The following CLCN6 variants were observed in gnomAD, a reference collection of about 807,000 sequenced individuals.
CLCN6 encodes H(+)/Cl(-) exchange transporter 6.
CLCN6 carries 70 observed loss-of-function variants against 109.8 expected under a neutral mutation model. The observed-to-expected ratio is 0.64, with a 90% CI of 0.53 to 0.78. CLCN6 has a LOEUF of 0.78. Ranked by LOEUF, CLCN6 falls within the 30% of genes least tolerant of loss-of-function variation. The pLI, the probability that CLCN6 is intolerant of heterozygous loss-of-function variation, is 0.00. For missense variants in CLCN6, 984 were observed against 1,142.3 expected (o/e 0.86, Z 2.00); for synonymous variants, 444 against 447.8 (o/e 0.99, Z 0.11).
chr1:11,831,453 C>T (rs1324185660), intron 13 of CLCN6, among the ~76,000 whole-genome samples: 1 of 152,066 alleles, frequency 6.6e-6, no homozygotes, highest in Non-Finnish European at 1.5e-5. Flanking sequence ...CCGTGTCCAG[C>T]TGGTTTATAT....
intron 6 of CLCN6, 31 bp downstream of exon 6, chr1:11,822,832 A>G: frequency 1.4e-6 from 2 of 1,416,162 alleles, no homozygotes; most frequent in Non-Finnish European, 2.0e-6. Flanking sequence ...CTGCTCGCTT[A>G]GGAGGTTTTA....
At chr1:11,807,958 CT>C (rs200524870) in intron 2 of CLCN6, among the ~76,000 whole-genome samples, 106 of 151,952 alleles carry the variant, frequency 7.0e-4, no homozygotes, top group African/African-American at 1.8e-3. Context: ...ACAACCTTTT[CT>C]TTTTTTTGAC....
At chr1:11,812,945 A>G (rs1644621054) in intron 2 of CLCN6, among the ~76,000 whole-genome samples, 1 of 152,130 alleles carries the variant, frequency 6.6e-6, no homozygotes, top group Non-Finnish European at 1.5e-5. Context: ...CTGAAGACCA[A>G]ACAACATACC....
intron 8 of CLCN6, 107 bp from the exon 9 acceptor site, chr1:11,826,049 C>A: frequency 1.3e-6 from 1 of 797,812 alleles, no homozygotes; most frequent in Non-Finnish European, 2.1e-6. Flanking sequence ...CAGTCCTAGG[C>A]TGCCCCTGAC....
chr1:11,822,869 C>T, intron 6 of CLCN6, 68 bp downstream of exon 6: 1 of 977,664 alleles, frequency 1.0e-6, no homozygotes, highest in Non-Finnish European at 1.6e-6. Context: ...TTCCCCACCT[C>T]CTTCCAGAAT....
chr1:11,842,780 G>A lies in CLCN6; in HGVS notation c.*2557G>A, dbSNP rs976981352. Reference sequence around the variant, plus strand: ...TGATTAACTTAACAGTTCCCAGCTGGAAGGGACACTTTCAGGACCCAGTCC... The same window carrying A: ...TGATTAACTTAACAGTTCCCAGCTGAAAGGGACACTTTCAGGACCCAGTCC... On this transcript the variant is annotated 3_prime_UTR_variant, in exon 23 of 23. Coordinates refer to ENST00000346436, the MANE Select transcript of CLCN6 (RefSeq NM_001286.5). The A allele has an allele frequency of 6.6e-6, 1 of 152,256 alleles. No homozygotes were observed. Among genetic ancestry groups the A allele is most frequent in the African/African-American group, 2.4e-5 (1 of 41,464 alleles). The allele number at this position is 152,256 out of a possible 1,614,324, so 9.4% of individuals were successfully genotyped here.
At chr1:11,809,917 A>T (rs1486539318) in intron 2 of CLCN6, among the ~76,000 whole-genome samples, 1 of 152,256 alleles carries the variant, frequency 6.6e-6, no homozygotes, top group African/African-American at 2.4e-5. Flanking sequence ...TCAATAAATA[A>T]ATCAACTTGA....
At chr1:11,816,783 T>TG in intron 4 of CLCN6, 103 bp downstream of exon 4, 1 of 749,086 alleles carries the variant, frequency 1.3e-6, no homozygotes, top group Non-Finnish European at 2.1e-6. Flanking sequence ...CATTATAACA[T>TG]TTATAACATT....
Position 11,834,629 on chromosome 1 carries a change from G to T in CLCN6, c.1793+39G>T, listed in dbSNP as rs779773864. The T allele has an allele frequency of 2.2e-5, 34 of 1,529,576 alleles. No homozygotes were observed. In the East Asian group the frequency reaches 7.6e-4, roughly 34 times the overall value. 94.8% of individuals were successfully genotyped at this position (1,529,576 alleles called of 1,614,324 possible). A position where few individuals can be genotyped will look rare whatever the true frequency, so the allele number is the denominator to read the frequency against. ...TTTGCTCATGTCCTAGTTTCAGAAT[G>T]TATAAGCTCTGAGGCCTAAGGAATG... On this transcript the variant is annotated intron_variant, in intron 17 of 22. Coordinates refer to ENST00000346436, the MANE Select transcript of CLCN6 (RefSeq NM_001286.5). The surrounding 1 kb of genome is among the most constrained non-coding windows in gnomAD (Gnocchi z 4.5).
chr1:11,830,328 A>AT (rs1192948495), intron 13 of CLCN6: 1 of 152,192 alleles, frequency 6.6e-6, no homozygotes, highest in African/African-American at 2.4e-5. Flanking sequence ...CATCCATGGA[A>AT]TTACGTAGGG....
At position 11,837,017 on chromosome 1, in the gene CLCN6, C is replaced by A. The variant is rs1218924047; in HGVS notation, c.1999C>A (p.Arg667=). ...CCCACAGAAATCCAGCATCCTCACC[C>A]GGGCTGGCGAGCAGCGCAAACGGAG... The part of the protein sequence containing the change: ...IKFKKSSILT[R]AGEQRKRSQS... Residue 667 remains arginine (R), a synonymous_variant, in exon 19 of 23, where the codon CGG becomes AGG. Transcript: ENST00000346436. The A allele has an allele frequency of 1.9e-6, 3 of 1,610,994 alleles. No individual in the cohort carries two copies. Among genetic ancestry groups the A allele is most frequent in the Admixed American group, 3.3e-5 (2 of 60,026 alleles).
intron 21 of CLCN6, 41 bp downstream of exon 21, chr1:11,838,483 T>C (rs1413506931): frequency 6.8e-6 from 11 of 1,607,902 alleles, no homozygotes; most frequent in Non-Finnish European, 7.7e-6. Context: ...CGGAGCTGCC[T>C]CTTCATGCCG....
At position 11,834,077 on chromosome 1, in the gene CLCN6, CGTGTGCGT is replaced by C. The variant is rs905087352; in HGVS notation, c.1526+52_1526+59del. Reference sequence around the variant, plus strand: ...GTGTGCGCATGTGCATGTGTGTGCACGTGTGCGTGTGTATGCATGTGTGTGCGTGTGCG... The same window carrying C: ...GTGTGCGCATGTGCATGTGTGTGCACGTGTATGCATGTGTGTGCGTGTGCG... On this transcript the variant is annotated intron_variant, in intron 15 of 22. Transcript: ENST00000346436. The surrounding 1 kb of genome is among the most constrained non-coding windows in gnomAD (Gnocchi z 4.5). 1.2e-6 allele frequency: 2 copies of C among 1,602,804 alleles called. No individual in the cohort carries two copies. Among genetic ancestry groups the C allele is most frequent in the African/African-American group, 2.7e-5 (2 of 74,368 alleles).
At position 11,806,337 on chromosome 1, in the gene CLCN6, C is replaced by A. The variant is rs199831015; in HGVS notation, c.75C>A (p.Thr25=). ...GCTGCGGTGAGCGTGAGACCCGCAC[C>A]CCCGAGGAGCTGGTAAGAAGCCGGC... The part of the protein sequence containing the change: ...CCCCGERETR[T]PEELTILGET... Residue 25 remains threonine, a synonymous_variant, in exon 1 of 23, where the codon ACC becomes ACA. Coordinates refer to ENST00000346436, the MANE Select transcript of CLCN6 (RefSeq NM_001286.5). 41 of 1,516,222 alleles carry A rather than the reference C, an allele frequency of 2.7e-5. No individual in the cohort carries two copies. The East Asian group carries it at 9.0e-4, about 33-fold the overall frequency. 93.9% of individuals were successfully genotyped at this position (1,516,222 alleles called of 1,614,324 possible). A position where few individuals can be genotyped will look rare whatever the true frequency, so the allele number is the denominator to read the frequency against.
rs375919577 is a variant in CLCN6, at chr1:11,818,607, C to T, written c.280-881C>T. On this transcript the variant is annotated intron_variant, in intron 4 of 22. Coordinates refer to ENST00000346436, the MANE Select transcript of CLCN6 (RefSeq NM_001286.5). ...CTTTATGGCTTCAGTATCAAAAAGC[C>T]TCCAGGCATTGGCTTGAGGGAAGGC... Among the ~76,000 whole-genome samples, 23 of 152,314 alleles carry T rather than the reference C, an allele frequency of 1.5e-4. No individual in the cohort carries two copies. In the East Asian group the frequency reaches 4.4e-3, roughly 29 times the overall value.
intron 8 of CLCN6, among the ~76,000 whole-genome samples, chr1:11,825,371 T>C (rs1212468442): frequency 6.6e-6 from 1 of 152,206 alleles, no homozygotes; most frequent in Non-Finnish European, 1.5e-5. Context: ...GGAGTGGGCA[T>C]CAGTGTGCAC....
In CLCN6 at chr1:11,828,541, C is replaced by T. The variant is rs371594482; in HGVS notation, c.1038C>T (p.Leu346=). 3.2e-5 allele frequency: 52 copies of T among 1,614,032 alleles called. No individual in the cohort carries two copies. In the African/African-American group the frequency reaches 6.5e-4, roughly 20 times the overall value. ...TCGTGATGGGGGTCATTGGGGGCCT[C>T]CTGGGAGCCACATTCAACTGTCTGA... ...FFVVMGVIGG[L]LGATFNCLNK... The change falls in exon 12 of 23, where the codon CTC becomes CTT. Residue 346 remains leucine, a synonymous_variant. Coordinates refer to ENST00000346436, the MANE Select transcript of CLCN6 (RefSeq NM_001286.5).
intron 2 of CLCN6, among the ~76,000 whole-genome samples, chr1:11,810,046 A>G (rs1403016792): frequency 1.3e-5 from 2 of 152,220 alleles, no homozygotes; most frequent in Admixed American, 6.5e-5. Flanking sequence ...AACGTGGGTA[A>G]GGATGTAGAA....
Position 11,806,214 on chromosome 1 carries a change from G to C in CLCN6, c.-49G>C, listed in dbSNP as rs1194925809. ...CCAGTCACGTGAGGCGCAGATCCTGGCTGGGAGGGGGTTGGTAGAGGGGTC... is the reference window on the plus strand; with the variant it reads ...CCAGTCACGTGAGGCGCAGATCCTGCCTGGGAGGGGGTTGGTAGAGGGGTC... On this transcript the variant is annotated 5_prime_UTR_variant, in exon 1 of 23. Transcript: ENST00000346436. The C allele has an allele frequency of 7.2e-7, 1 of 1,388,562 alleles. No homozygotes were observed. Among genetic ancestry groups the C allele is most frequent in the Non-Finnish European group, 9.4e-7 (1 of 1,064,612 alleles). The allele number at this position is 1,388,562 out of a possible 1,614,324, so 86.0% of individuals were successfully genotyped here.
Sources: allele counts gnomAD v4.1 joint callset (sites outside exome capture counted in the v4.1 genomes callset), GRCh38; gene constraint gnomAD v4.1.1; non-coding constraint Gnocchi (gnomAD v3.1); transcripts MANE v1.5; gene names NCBI Gene and HGNC (gene_info 2026-07-23, HGNC 2026-07-21).